Variants in PTPRD observed in about 807,000 individuals in gnomAD.
PTPRD encodes the protein receptor-type tyrosine-protein phosphatase delta.
A neutral mutation model predicts 214.5 loss-of-function variants in PTPRD; 34 were observed. That is an observed-to-expected ratio of 0.16 (90% CI 0.12 to 0.21). PTPRD has a LOEUF of 0.21. PTPRD is among the 10% of genes least tolerant of loss of function. The pLI is 1.00. For missense variants in PTPRD, 2,545 were observed against 2,398.7 expected (o/e 1.06, Z -1.27); for synonymous variants, 1,128 against 845.7 (o/e 1.33, Z -5.79).
At chr9:8,559,646 C>G (rs910704407) in intron 14 of PTPRD, among the ~76,000 whole-genome samples, 4 of 152,202 alleles carry the variant, frequency 2.6e-5, no homozygotes, top group African/African-American at 9.6e-5. Context: ...GCAACAGTCC[C>G]AATGCCTAAG....
intron 39 of PTPRD, among the ~76,000 whole-genome samples, chr9:8,364,683 C>T (rs1225481456): frequency 1.3e-5 from 2 of 152,228 alleles, no homozygotes; most frequent in African/African-American, 4.8e-5. Flanking sequence ...TGCCGCAAGG[C>T]AGGACAAGTT....
chr9:9,356,729 G>C (rs2053938998), intron 9 of PTPRD, among the ~76,000 whole-genome samples: 1 of 151,280 alleles, frequency 6.6e-6, no homozygotes, highest in Non-Finnish European at 1.5e-5. Context: ...CCACTGACTA[G>C]TTTTTCTACA....
intron 9 of PTPRD, among the ~76,000 whole-genome samples, chr9:9,227,855 G>C (rs1337055143): frequency 6.6e-6 from 1 of 152,146 alleles, no homozygotes; most frequent in East Asian, 1.9e-4. Context: ...GCTGAAACTT[G>C]ATTGCAGCCT....
intron 11 of PTPRD, among the ~76,000 whole-genome samples, chr9:8,918,221 G>C (rs2098800438): frequency 6.6e-6 from 1 of 152,114 alleles, no homozygotes; most frequent in African/African-American, 2.4e-5. Context: ...GTGCACACCT[G>C]CTGACCGACC....
chr9:10,569,517 C>G (rs1029978936), intron 2 of PTPRD, among the ~76,000 whole-genome samples: 2 of 150,532 alleles, frequency 1.3e-5, no homozygotes, highest in East Asian at 3.9e-4. Context: ...CTCTCTCTCT[C>G]TCTCTCTCTC....
intron 2 of PTPRD, among the ~76,000 whole-genome samples, chr9:10,579,311 T>A (rs940605499): frequency 2.0e-5 from 3 of 152,124 alleles, no homozygotes; most frequent in African/African-American, 7.2e-5. Context: ...ATTGTTCCCA[T>A]CTTTATGTCC....
intron 9 of PTPRD, among the ~76,000 whole-genome samples, chr9:9,363,367 G>C (rs1297737530): frequency 6.6e-6 from 1 of 150,998 alleles, no homozygotes; most frequent in Non-Finnish European, 1.5e-5. Flanking sequence ...CCTTATACCT[G>C]AAGAACAAAA....
intron 12 of PTPRD, among the ~76,000 whole-genome samples, chr9:8,731,847 C>G (rs1247862598): frequency 6.6e-6 from 1 of 152,206 alleles, no homozygotes; most frequent in Non-Finnish European, 1.5e-5. Context: ...TACATGGAGG[C>G]TGATTAGACA....
chr9:10,526,205 C>A (rs943249335), intron 2 of PTPRD, among the ~76,000 whole-genome samples: 2 of 151,878 alleles, frequency 1.3e-5, no homozygotes, highest in African/African-American at 4.8e-5. Flanking sequence ...AATAAAATAG[C>A]GCATTTCATT....
intron 2 of PTPRD, among the ~76,000 whole-genome samples, chr9:10,592,970 C>A (rs1455106410): frequency 6.6e-6 from 1 of 151,948 alleles, no homozygotes; most frequent in Non-Finnish European, 1.5e-5. Context: ...TCGCTCTTCA[C>A]AATAAATCTT....
chr9:8,322,760 A>C (rs996827178), intron 44 of PTPRD, among the ~76,000 whole-genome samples: 1 of 152,206 alleles, frequency 6.6e-6, no homozygotes, highest in African/African-American at 2.4e-5. Context: ...CAATGTAGAC[A>C]AACATCATTA....
intron 11 of PTPRD, among the ~76,000 whole-genome samples, chr9:8,735,327 A>T (rs1035274110): frequency 6.6e-6 from 1 of 151,588 alleles, no homozygotes; most frequent in Non-Finnish European, 1.5e-5. Flanking sequence ...TACTTTTAGT[A>T]GAGGCAAGGT....
intron 14 of PTPRD, among the ~76,000 whole-genome samples, chr9:8,586,305 T>C (rs2093653278): frequency 6.6e-6 from 1 of 152,044 alleles, no homozygotes; most frequent in Non-Finnish European, 1.5e-5. Flanking sequence ...TCTCAAAAAA[T>C]AATAATAATT....
chr9:8,553,005 C>A (rs79101211), intron 14 of PTPRD, among the ~76,000 whole-genome samples: 27 of 152,116 alleles, frequency 1.8e-4, no homozygotes, highest in African/African-American at 6.3e-4. Context: ...TGACCACAGA[C>A]CCAAGAGAGA....
chr9:8,748,747 A>G (rs1001880640), intron 11 of PTPRD, among the ~76,000 whole-genome samples: 2 of 151,918 alleles, frequency 1.3e-5, no homozygotes, highest in Non-Finnish European at 2.9e-5. Flanking sequence ...TCCCATCTCT[A>G]CTAAAAATAC....
At chr9:10,049,279 T>C (rs937042116) in intron 3 of PTPRD, among the ~76,000 whole-genome samples, 35 of 152,016 alleles carry the variant, frequency 2.3e-4, no homozygotes, top group African/African-American at 8.0e-4. Context: ...ACATCATTAT[T>C]TTCCTGCTTC....
intron 14 of PTPRD, among the ~76,000 whole-genome samples, chr9:8,612,295 C>G (rs1177056045): frequency 6.6e-6 from 1 of 152,088 alleles, no homozygotes; most frequent in East Asian, 1.9e-4. Flanking sequence ...CCATTGTTTG[C>G]TTTTGTATGT....
chr9:9,312,727 C>T (rs1316846312), intron 9 of PTPRD, among the ~76,000 whole-genome samples: 1 of 152,104 alleles, frequency 6.6e-6, no homozygotes, highest in Non-Finnish European at 1.5e-5. Flanking sequence ...CTGGAATAGG[C>T]ATGTTAGAAA....
intron 2 of PTPRD, among the ~76,000 whole-genome samples, chr9:10,585,052 T>C (rs1401069840): frequency 6.6e-6 from 1 of 152,142 alleles, no homozygotes; most frequent in Non-Finnish European, 1.5e-5. Flanking sequence ...AGTCATGTAT[T>C]GTGATTTTGA....
Sources: allele counts gnomAD v4.1 joint callset (sites outside exome capture counted in the v4.1 genomes callset), GRCh38; gene constraint gnomAD v4.1.1; transcripts MANE v1.5; gene names NCBI Gene and HGNC (gene_info 2026-07-23, HGNC 2026-07-21).